FBN1: variants seen among roughly 807,000 people sequenced by gnomAD.
FBN1 encodes the protein fibrillin 1, also known as fibrillin-1.
In FBN1, 29 loss-of-function variants were observed where a neutral mutation model predicts 365.1. That is an observed-to-expected ratio of 0.08 (90% CI 0.06 to 0.11). The LOEUF (loss-of-function observed/expected upper bound fraction) is 0.11. Ranked by LOEUF, FBN1 falls within the 10% of genes least tolerant of loss-of-function variation. FBN1 has a pLI of 1.00. For missense variants in FBN1, 2,476 were observed against 3,703.2 expected (o/e 0.67, Z 8.60); for synonymous variants, 1,210 against 1,270.5 (o/e 0.95, Z 1.01).
Position 48,481,531 on chromosome 15 carries a change from T to C in FBN1, c.3964+124A>G, listed in dbSNP as rs1821990701. On this transcript the variant is annotated intron_variant, in intron 32 of 65. Coordinates refer to ENST00000316623, the MANE Select transcript of FBN1 (RefSeq NM_000138.5). ...AAGTGGAAGCTAAATTAATGAAAAA[T>C]GTTATGCAAAATGTTTTATAATATA... The C allele has an allele frequency of 4.7e-6, 5 of 1,060,058 alleles. No individual in the cohort carries two copies. The Admixed American group carries it at 8.1e-5, about 17-fold the overall frequency. The allele number at this position is 1,060,058 out of a possible 1,614,324, so 65.7% of individuals were successfully genotyped here.
At position 48,430,663 on chromosome 15, in the gene FBN1, C is replaced by A. The variant is rs191529671; in HGVS notation, c.6871+8G>T. 3 of 1,613,550 alleles carry A rather than the reference C, an allele frequency of 1.9e-6. No individual in the cohort carries two copies. The African/African-American group carries it at 4.0e-5, about 22-fold the overall frequency. ...CACTCAAAGCTCCTTCCACAGGGAT[C>A]CTCTTACCTACACAGCCTTCTCCAT... is the stretch of plus-strand genomic sequence containing the variant. On this transcript the variant is annotated splice_region_variant and intron_variant, in intron 56 of 65. Coordinates refer to ENST00000316623, the MANE Select transcript of FBN1 (RefSeq NM_000138.5).
chr15:48,627,980 C>T (rs1889915835), intron 2 of FBN1, among the ~76,000 whole-genome samples: 1 of 152,212 alleles, frequency 6.6e-6, no homozygotes, highest in South Asian at 2.1e-4. Flanking sequence ...ACCTAAAGGG[C>T]TTCCAAATCT....
intron 6 of FBN1, among the ~76,000 whole-genome samples, chr15:48,538,411 A>T (rs1254423508): frequency 6.6e-6 from 1 of 152,234 alleles, no homozygotes; most frequent in Non-Finnish European, 1.5e-5. Context: ...ACAAGAATTT[A>T]AAATTTTGTC....
chr15:48,597,217 C>T (rs527454607), intron 5 of FBN1, among the ~76,000 whole-genome samples: 15 of 152,206 alleles, frequency 9.9e-5, no homozygotes, highest in Non-Finnish European at 2.2e-4. Flanking sequence ...TACCCTATAG[C>T]AGCCATGAAG....
chr15:48,476,610 CTTTT>C (rs56969171), intron 32 of FBN1: 6 of 120,026 alleles, frequency 5.0e-5, no homozygotes, highest in South Asian at 2.8e-4. Context: ...CTTTTCTTTT[CTTTT>C]TTTTTTTTTT....
At chr15:48,536,222 T>C (rs1011243411) in intron 7 of FBN1, among the ~76,000 whole-genome samples, 11 of 152,322 alleles carry the variant, frequency 7.2e-5, no homozygotes, top group South Asian at 4.1e-4. Flanking sequence ...ACTTTTCTTA[T>C]AAAAAACATT....
intron 2 of FBN1, among the ~76,000 whole-genome samples, chr15:48,619,336 T>A (rs1217144471): frequency 6.6e-6 from 1 of 152,182 alleles, no homozygotes; most frequent in Non-Finnish European, 1.5e-5. Flanking sequence ...ACAGAATGAA[T>A]AATAGATTTA....
Position 48,534,122 on chromosome 15 carries a change from G to T in FBN1, c.820C>A (p.Pro274Thr). Residue 274 changes from proline (P) to threonine (T), a missense_variant, in exon 8 of 66, where the codon CCT becomes ACT. By Grantham distance (38) the Pro-to-Thr change is conservative. Transcript: ENST00000316623. ...NTVGSFECKC[P>T]AGHKLNEVSQ... ...ACTTCATTAAGTTTGTGTCCAGCAGGGCATTTGCACTCAAAAGACCCAACA... is the reference window on the plus strand; with the variant it reads ...ACTTCATTAAGTTTGTGTCCAGCAGTGCATTTGCACTCAAAAGACCCAACA... 1 of 1,613,278 alleles carries T rather than the reference G, an allele frequency of 6.2e-7. No individual in the cohort carries two copies.
intron 6 of FBN1, among the ~76,000 whole-genome samples, chr15:48,559,193 C>T (rs554654114): frequency 1.8e-4 from 27 of 152,200 alleles, no homozygotes; most frequent in African/African-American, 6.5e-4. Flanking sequence ...GCAAACCATT[C>T]TCTCTATCTT....
At chr15:48,466,010 T>C in intron 38 of FBN1, 152 bp from the exon 39 acceptor site, 1 of 682,632 alleles carries the variant, frequency 1.5e-6, no homozygotes, top group Admixed American at 2.1e-5. Context: ...GTTAACACCT[T>C]TGTGTACACT....
At chr15:48,642,741 T>A (rs569105690) in intron 2 of FBN1, 1 of 152,162 alleles carries the variant, frequency 6.6e-6, no homozygotes, top group African/African-American at 2.4e-5. Context: ...AACATGAGAA[T>A]TAGGAACACA....
intron 2 of FBN1, 95 bp from the exon 3 acceptor site, chr15:48,613,187 G>C (rs2044670771): frequency 2.2e-6 from 2 of 924,036 alleles, no homozygotes; most frequent in African/African-American, 3.3e-5. Context: ...AGTTATAAAA[G>C]CAAGATGAAT....
chr15:48,509,988 C>A, intron 14 of FBN1, 56 bp downstream of exon 14: 2 of 1,587,198 alleles, frequency 1.3e-6, no homozygotes, highest in Non-Finnish European at 1.7e-6. Flanking sequence ...GTTAAAGACC[C>A]CTGATATTGA....
chr15:48,605,806 C>T (rs1461122454), intron 4 of FBN1, among the ~76,000 whole-genome samples: 5 of 152,208 alleles, frequency 3.3e-5, no homozygotes, highest in South Asian at 4.1e-4. Context: ...GCCTGGGAGA[C>T]GGAGGTTGCA....
At chr15:48,436,899 G>T in intron 53 of FBN1, 62 bp downstream of exon 53, 1 of 1,005,712 alleles carries the variant, frequency 9.9e-7, no homozygotes, top group Non-Finnish European at 1.6e-6. Flanking sequence ...GCTATACAGT[G>T]AATACTGTAT....
intron 31 of FBN1, among the ~76,000 whole-genome samples, chr15:48,483,560 T>C (rs1161038072): frequency 6.6e-6 from 1 of 152,170 alleles, no homozygotes; most frequent in East Asian, 1.9e-4. Context: ...ACAAAAGTAA[T>C]GGATAGGCAT....
intron 4 of FBN1, among the ~76,000 whole-genome samples, chr15:48,609,987 G>C (rs547642640): frequency 6.6e-6 from 1 of 152,228 alleles, no homozygotes; most frequent in Admixed American, 6.5e-5. Flanking sequence ...ACACAATAAG[G>C]GGGGTGCATT....
intron 6 of FBN1, among the ~76,000 whole-genome samples, chr15:48,566,423 T>A (rs1266602075): frequency 6.6e-6 from 1 of 152,256 alleles, no homozygotes; most frequent in Non-Finnish European, 1.5e-5. Context: ...GTTATTTTTT[T>A]AATTGGATTT....
rs8034829 is a variant in FBN1 at position 48,513,830 on chromosome 15, T to C, written c.1469-162A>G. On this transcript the variant is annotated intron_variant, in intron 12 of 65. Transcript: ENST00000316623. ...TTCCACTACAATATGTCATTAGCCA[T>C]TTGAAGACTGGTTGAGCAGTTAAAG... 0.16 allele frequency among the ~76,000 whole-genome samples: 24,428 copies of C among 152,202 alleles called. 2,927 individuals carry two copies. Among genetic ancestry groups the C allele is most frequent in the African/African-American group, 0.34 (14,110 of 41,486 alleles).
Sources: gnomAD v4.1 joint callset for allele counts (sites outside exome capture counted in the v4.1 genomes callset) on GRCh38, gnomAD v4.1.1 for gene constraint, MANE v1.5 for transcripts, NCBI Gene and HGNC (gene_info 2026-07-23, HGNC 2026-07-21) for gene names.